The following WWOX variants were observed in gnomAD, a reference collection of about 807,000 sequenced individuals.
WWOX encodes WW domain-containing oxidoreductase.
In WWOX, 69 loss-of-function variants were observed where a neutral mutation model predicts 46.2. That is an observed-to-expected ratio of 1.49 (90% confidence interval 1.23 to 1.82). The LOEUF (loss-of-function observed/expected upper bound fraction) is 1.82. Among genes scored for constraint, WWOX ranks in the 40% most tolerant of loss-of-function variants. WWOX has a pLI of 0.00. For synonymous variants in WWOX, 359 were observed against 202.6 expected (o/e 1.77, Z -6.56); for missense variants, 919 against 542.6 (o/e 1.69, Z -6.89).
chr16:78,670,731 C>G (rs1006650561), intron 8 of WWOX, among the ~76,000 whole-genome samples: 2 of 152,010 alleles, frequency 1.3e-5, no homozygotes, highest in Non-Finnish European at 1.5e-5. Flanking sequence ...AGGCTAGTCT[C>G]AAACTGTTGG....
At chr16:78,770,180 G>A (rs976416330) in intron 8 of WWOX, among the ~76,000 whole-genome samples, 2 of 152,174 alleles carry the variant, frequency 1.3e-5, no homozygotes, top group East Asian at 1.9e-4. Context: ...GTGAAACCCC[G>A]TCTCTACTAA....
At chr16:78,867,446 CAGAT>C (rs1318683213) in intron 8 of WWOX, among the ~76,000 whole-genome samples, 1 of 151,682 alleles carries the variant, frequency 6.6e-6, no homozygotes, top group Non-Finnish European at 1.5e-5. Context: ...TTCCAATTGA[CAGAT>C]GGGGAATCTG....
chr16:78,757,411 C>T (rs55911111), intron 8 of WWOX, among the ~76,000 whole-genome samples: 5,474 of 152,216 alleles, frequency 0.036, 290 homozygotes, highest in African/African-American at 0.12. Context: ...AGGACACTGT[C>T]TGTTGCTTCT....
intron 5 of WWOX, among the ~76,000 whole-genome samples, chr16:78,364,735 GT>G (rs1567527061): frequency 6.6e-6 from 1 of 152,166 alleles, no homozygotes. Flanking sequence ...ATCTGTTAGT[GT>G]TTGAAGGATT....
At chr16:78,623,419 C>T (rs1213716443) in intron 8 of WWOX, among the ~76,000 whole-genome samples, 1 of 152,092 alleles carries the variant, frequency 6.6e-6, no homozygotes, top group East Asian at 1.9e-4. Context: ...GTGGCTCATG[C>T]CTGTCATTCC....
At chr16:78,520,079 G>T (rs781007986) in intron 8 of WWOX, among the ~76,000 whole-genome samples, 1 of 152,196 alleles carries the variant, frequency 6.6e-6, no homozygotes, top group South Asian at 2.1e-4. Context: ...ACTTAGTTTC[G>T]AAAGGTTTCT....
At chr16:78,910,843 T>C (rs929558800) in intron 8 of WWOX, among the ~76,000 whole-genome samples, 7 of 151,938 alleles carry the variant, frequency 4.6e-5, no homozygotes, top group African/African-American at 1.4e-4. Context: ...GTGGGAATTA[T>C]GGGAGCTATA....
chr16:78,837,519 C>A (rs1191654356), intron 8 of WWOX, among the ~76,000 whole-genome samples: 4 of 152,180 alleles, frequency 2.6e-5, no homozygotes, highest in Non-Finnish European at 5.9e-5. Context: ...AAAGCCTGAA[C>A]ACTTCTCAGG....
At chr16:78,102,870 G>A (rs752103678) in intron 1 of WWOX, among the ~76,000 whole-genome samples, 1 of 152,142 alleles carries the variant, frequency 6.6e-6, no homozygotes, top group Non-Finnish European at 1.5e-5. Context: ...AGGGTCAGCC[G>A]CAGGCTTCTG....
intron 8 of WWOX, among the ~76,000 whole-genome samples, chr16:79,146,527 G>A (rs1440830574): frequency 3.9e-5 from 6 of 152,098 alleles, no homozygotes; most frequent in Admixed American, 1.3e-4. Flanking sequence ...TACAGTTTGC[G>A]CAAGTCATTT....
intron 4 of WWOX, among the ~76,000 whole-genome samples, chr16:78,146,962 A>G (rs2034219951): frequency 1.3e-5 from 2 of 152,370 alleles, no homozygotes; most frequent in South Asian, 2.1e-4. Context: ...TCACAGAAGC[A>G]GAAACTTAGG....
At chr16:78,585,649 T>C (rs1017552383) in intron 8 of WWOX, among the ~76,000 whole-genome samples, 1 of 152,012 alleles carries the variant, frequency 6.6e-6, no homozygotes, top group Admixed American at 6.5e-5. Context: ...GTTGTTGCTG[T>C]TGTTTTTTCT....
intron 8 of WWOX, among the ~76,000 whole-genome samples, chr16:78,615,005 C>T (rs1034192661): frequency 6.6e-6 from 1 of 152,028 alleles, no homozygotes; most frequent in Non-Finnish European, 1.5e-5. Flanking sequence ...ATATACAGCT[C>T]CCTCCCTAAT....
At chr16:78,706,807 T>C (rs1243634753) in intron 8 of WWOX, among the ~76,000 whole-genome samples, 3 of 151,850 alleles carry the variant, frequency 2.0e-5, no homozygotes, top group Non-Finnish European at 4.4e-5. Context: ...CAAACTACCT[T>C]TTTTTTTGGA....
At chr16:79,202,967 G>C (rs924804537) in intron 8 of WWOX, 1 of 152,180 alleles carries the variant, frequency 6.6e-6, no homozygotes, top group African/African-American at 2.4e-5. Context: ...TCTATGCTAA[G>C]GTGTTGCATA....
chr16:78,660,325 C>T (rs1182203772), intron 8 of WWOX, among the ~76,000 whole-genome samples: 1 of 152,086 alleles, frequency 6.6e-6, no homozygotes, highest in Non-Finnish European at 1.5e-5. Context: ...CCCTGGCAGA[C>T]AGTGGTTCAT....
chr16:78,496,682 T>A (rs2667588), intron 8 of WWOX, among the ~76,000 whole-genome samples: 112,891 of 152,160 alleles, frequency 0.74, 44,280 homozygotes, highest in Admixed American at 0.86. Context: ...TGGTTTCAGG[T>A]GTCCCTTTAG....
At chr16:79,075,628 C>G (rs1436745978) in intron 8 of WWOX, among the ~76,000 whole-genome samples, 2 of 151,798 alleles carry the variant, frequency 1.3e-5, no homozygotes, top group Non-Finnish European at 2.9e-5. Flanking sequence ...TCTTGGCTCA[C>G]TGCACCCTCC....
At chr16:78,179,036 T>G (rs964753747) in intron 5 of WWOX, among the ~76,000 whole-genome samples, 3 of 152,146 alleles carry the variant, frequency 2.0e-5, no homozygotes, top group African/African-American at 7.2e-5. Context: ...GTGTTCATGA[T>G]GATAATCAGG....
Sources: gnomAD v4.1 joint callset for allele counts (sites outside exome capture counted in the v4.1 genomes callset) on GRCh38, gnomAD v4.1.1 for gene constraint, MANE v1.5 for transcripts, NCBI Gene and HGNC (gene_info 2026-07-23, HGNC 2026-07-21) for gene names.